Variants in VWC2 observed in about 807,000 individuals in gnomAD.
The protein encoded by VWC2 is von Willebrand factor C domain containing 2.
VWC2 carries 14 observed loss-of-function variants against 29.8 expected under a neutral mutation model. The observed-to-expected ratio is 0.47, with a 90% CI of 0.31 to 0.74. The LOEUF is 0.74. VWC2 is among the 30% of genes least tolerant of loss of function. The pLI, the probability that VWC2 is intolerant of heterozygous loss-of-function variation, is 0.05. For missense variants in VWC2, 457 were observed against 459.8 expected, an observed-to-expected ratio of 0.99 and a Z score of 0.05; for synonymous variants, 213 against 199.0, an observed-to-expected ratio of 1.07 and a Z score of -0.59.
rs186219500 is a variant in VWC2, at chr7:49,874,504, T to G, written c.827-37530T>G. On this transcript the variant is annotated intron_variant, in intron 3 of 3. Coordinates refer to ENST00000340652, the MANE Select transcript of VWC2 (RefSeq NM_198570.5). ...AACAACAAGATCACAAAACATCACA[T>G]TTCTCACAATGTATCCTCGTTGTTA... Among the ~76,000 whole-genome samples the G allele has an allele frequency of 1.6e-3, 241 of 152,138 alleles. 1 individual carries two copies. The highest frequency in any genetic ancestry group is 1.7e-3 in the Non-Finnish European group (117 of 67,988).
At chr7:49,896,938 G>A (rs1201213356) in intron 3 of VWC2, among the ~76,000 whole-genome samples, 1 of 138,494 alleles carries the variant, frequency 7.2e-6, no homozygotes, top group African/African-American at 2.7e-5. Flanking sequence ...GCCCAGGCCG[G>A]ACTGCAGACT....
At chr7:49,882,044 T>A (rs1244902934) in intron 3 of VWC2, among the ~76,000 whole-genome samples, 1 of 152,108 alleles carries the variant, frequency 6.6e-6, no homozygotes, top group Non-Finnish European at 1.5e-5. Flanking sequence ...ATCTGCCAGC[T>A]TAACAGTTGC....
intron 2 of VWC2, among the ~76,000 whole-genome samples, chr7:49,791,237 C>T (rs913577657): frequency 1.3e-5 from 2 of 152,172 alleles, no homozygotes; most frequent in African/African-American, 4.8e-5. Context: ...GAGCTGGAAA[C>T]AGGTTTTCAT....
chr7:49,874,279 T>G (rs1054059937), intron 3 of VWC2, among the ~76,000 whole-genome samples: 1 of 152,178 alleles, frequency 6.6e-6, no homozygotes, highest in Non-Finnish European at 1.5e-5. Flanking sequence ...AATACTGCAT[T>G]TTTACTCTAC....
At chr7:49,893,760 T>A (rs1158646331) in intron 3 of VWC2, among the ~76,000 whole-genome samples, 2 of 152,196 alleles carry the variant, frequency 1.3e-5, no homozygotes, top group Admixed American at 1.3e-4. Context: ...TGGGAAATTT[T>A]ACATTTGGCA....
At chr7:49,907,818 C>T (rs527795579) in intron 3 of VWC2, among the ~76,000 whole-genome samples, 2 of 152,230 alleles carry the variant, frequency 1.3e-5, no homozygotes, top group East Asian at 3.9e-4. Context: ...CATATAAAGA[C>T]CTGGAATCAA....
chr7:49,908,206 A>G (rs1297164616), intron 3 of VWC2, among the ~76,000 whole-genome samples: 1 of 152,162 alleles, frequency 6.6e-6, no homozygotes, highest in Non-Finnish European at 1.5e-5. Context: ...CTCTATTTTA[A>G]TGGTAAAGCT....
At chr7:49,873,777 T>C (rs1353969829) in intron 3 of VWC2, among the ~76,000 whole-genome samples, 1 of 152,018 alleles carries the variant, frequency 6.6e-6, no homozygotes, top group Non-Finnish European at 1.5e-5. Context: ...AAATACAAAA[T>C]AGAAACAGGC....
intron 3 of VWC2, among the ~76,000 whole-genome samples, chr7:49,846,043 C>A (rs945969919): frequency 7.2e-5 from 11 of 152,182 alleles, no homozygotes; most frequent in African/African-American, 2.7e-4. Context: ...GTCCTGCTTT[C>A]CAAAAAGTAT....
chr7:49,916,532 G>A lies in VWC2; in HGVS notation c.*4347G>A, dbSNP rs1330223993. On this transcript the variant is annotated 3_prime_UTR_variant, in exon 4 of 4. Coordinates refer to ENST00000340652, the MANE Select transcript of VWC2 (RefSeq NM_198570.5). ...GTTTCTTATTTTAACATATCATTTA[G>A]GAATCATACCATAGTTTGCATAATG... The A allele has an allele frequency of 6.6e-6, 1 of 152,124 alleles. No homozygotes were observed. The highest frequency in any genetic ancestry group is 1.5e-5 in the Non-Finnish European group (1 of 68,030). The allele number at this position is 152,124 out of a possible 1,614,324, so 9.4% of individuals were successfully genotyped here.
chr7:49,775,410 GC>G lies in VWC2; in HGVS notation c.-23del. The stretch of plus-strand genomic sequence containing the variant: ...CGCCCCTCGGCCGCGCTCCCCGCCC[GC>G]CCGCCCGCCGGGACGTGGTAGGGGA... On this transcript the variant is annotated 5_prime_UTR_variant, in exon 2 of 4. It removes the in-frame stop codon of an upstream open reading frame in the 5' UTR. Transcript: ENST00000340652. The G allele has an allele frequency of 1.1e-6, 1 of 910,184 alleles. No individual in the cohort carries two copies. The highest frequency in any genetic ancestry group is 1.4e-6 in the Non-Finnish European group (1 of 696,102). The allele number at this position is 910,184 out of a possible 1,614,324, so 56.4% of individuals were successfully genotyped here.
chr7:49,851,655 C>T (rs931291505), intron 3 of VWC2, among the ~76,000 whole-genome samples: 12 of 152,096 alleles, frequency 7.9e-5, no homozygotes, highest in African/African-American at 1.2e-4. Flanking sequence ...GTCAGGAGAT[C>T]GAGACCACCC....
chr7:49,891,502 A>G (rs1792126101), intron 3 of VWC2, among the ~76,000 whole-genome samples: 1 of 152,234 alleles, frequency 6.6e-6, no homozygotes, highest in African/African-American at 2.4e-5. Flanking sequence ...AGATACTTCA[A>G]AAGACACATA....
intron 3 of VWC2, among the ~76,000 whole-genome samples, chr7:49,846,627 G>A (rs1014820387): frequency 1.3e-5 from 2 of 151,954 alleles, no homozygotes; most frequent in Non-Finnish European, 2.9e-5. Flanking sequence ...TATTATTATT[G>A]CCATACTTAT....
At chr7:49,848,158 G>C (rs1385204525) in intron 3 of VWC2, among the ~76,000 whole-genome samples, 5 of 152,160 alleles carry the variant, frequency 3.3e-5, no homozygotes, top group Non-Finnish European at 7.4e-5. Flanking sequence ...GTGGGGGCTG[G>C]GGAGGCTGCA....
intron 2 of VWC2, among the ~76,000 whole-genome samples, chr7:49,779,592 T>G (rs1788130738): frequency 6.6e-6 from 1 of 152,058 alleles, no homozygotes; most frequent in South Asian, 2.1e-4. Context: ...CTTATTTTTT[T>G]TTTTCAGTAA....
At chr7:49,813,504 G>C (rs903298371) in intron 3 of VWC2, among the ~76,000 whole-genome samples, 2 of 152,086 alleles carry the variant, frequency 1.3e-5, no homozygotes, top group Admixed American at 1.3e-4. Flanking sequence ...CACTGCTTTC[G>C]GGCACTCACT....
At chr7:49,861,932 T>A (rs1790666383) in intron 3 of VWC2, among the ~76,000 whole-genome samples, 2 of 152,222 alleles carry the variant, frequency 1.3e-5, no homozygotes, top group South Asian at 4.1e-4. Flanking sequence ...GTATTTTGAC[T>A]TTTTTAAAGA....
Position 49,898,121 on chromosome 7 carries a change from G to A in VWC2, c.827-13913G>A, listed in dbSNP as rs563343185. ...ATGTATGCTTTACATATATGTGTGT[G>A]TGTGTGTGTATGTATGTGTGTGTGT... On this transcript the variant is annotated intron_variant, in intron 3 of 3. Transcript: ENST00000340652. Among the ~76,000 whole-genome samples the A allele has an allele frequency of 5.1e-4, 78 of 152,108 alleles. No individual in the cohort carries two copies. In the Middle Eastern group the frequency reaches 0.01, roughly 20 times the overall value.
Sources: gnomAD v4.1 joint callset for allele counts (sites outside exome capture counted in the v4.1 genomes callset) on GRCh38, gnomAD v4.1.1 for gene constraint, MANE v1.5 for transcripts, NCBI Gene and HGNC (gene_info 2026-07-23, HGNC 2026-07-21) for gene names.